The following CACNA1C variants were observed in gnomAD, a reference collection of about 807,000 sequenced individuals.
CACNA1C encodes the protein voltage-dependent L-type calcium channel subunit alpha-1C.
A neutral mutation model predicts 229.0 loss-of-function variants in CACNA1C; 30 were observed. That is an observed-to-expected ratio of 0.13 (90% CI 0.10 to 0.18). The LOEUF is 0.18. Ranked by LOEUF, CACNA1C falls within the 10% of genes least tolerant of loss-of-function variation. The pLI is 1.00. For synonymous variants in CACNA1C, 1,114 were observed against 1,132.5 expected, an observed-to-expected ratio of 0.98 and a Z score of 0.33; for missense variants, 1,658 against 2,845.0, an observed-to-expected ratio of 0.58 and a Z score of 9.49.
intron 3 of CACNA1C, among the ~76,000 whole-genome samples, chr12:2,426,094 A>G (rs1595930844): frequency 6.6e-6 from 1 of 152,208 alleles, no homozygotes; most frequent in Admixed American, 6.5e-5. Flanking sequence ...AGCTGGGGGC[A>G]GGGAACACTG....
At chr12:2,328,105 G>T (rs1345354834) in intron 3 of CACNA1C, among the ~76,000 whole-genome samples, 1 of 152,230 alleles carries the variant, frequency 6.6e-6, no homozygotes, top group Non-Finnish European at 1.5e-5. Flanking sequence ...ATCTGTCAAA[G>T]CGGCAAGGCT....
At chr12:2,540,662 G>C (rs2099867650) in intron 9 of CACNA1C, among the ~76,000 whole-genome samples, 1 of 152,158 alleles carries the variant, frequency 6.6e-6, no homozygotes, top group African/African-American at 2.4e-5. Context: ...CTGACCCCTG[G>C]AATACGTGCA....
In CACNA1C at chr12:2,493,481, G is replaced by GGAGGA; in HGVS notation, c.1113+96_1113+97insAGGAG. 2.3e-6 allele frequency: 2 copies of GGAGGA among 881,908 alleles called. No homozygotes were observed. Among genetic ancestry groups the GGAGGA allele is most frequent in the Non-Finnish European group, 3.7e-6 (2 of 538,628 alleles). The allele number at this position is 881,908 out of a possible 1,614,324, so 54.6% of individuals were successfully genotyped here. On this transcript the variant is annotated intron_variant, in intron 7 of 46. Coordinates refer to ENST00000399655, the MANE Select transcript of CACNA1C (RefSeq NM_000719.7). The surrounding 1 kb of genome is among the most constrained non-coding windows in gnomAD (Gnocchi z 4.6). ...TTTCTCCTCCTCCCCATGGTCTTGG[G>GGAGGA]GTCACATACGCATCTTGATGGAATG...
chr12:2,125,806 C>G (rs1011770538), intron 3 of CACNA1C, among the ~76,000 whole-genome samples: 5 of 152,196 alleles, frequency 3.3e-5, no homozygotes, highest in Non-Finnish European at 7.3e-5. Flanking sequence ...GCAATCAGCT[C>G]TGTCTACCCA....
At chr12:2,391,678 G>A (rs574434095) in intron 3 of CACNA1C, among the ~76,000 whole-genome samples, 1 of 152,270 alleles carries the variant, frequency 6.6e-6, no homozygotes, top group Admixed American at 6.5e-5. Context: ...GAAGATGGAG[G>A]GTGAGCTGGG....
intron 1 of CACNA1C, among the ~76,000 whole-genome samples, chr12:1,990,123 A>G (rs928566935): frequency 1.3e-5 from 2 of 152,178 alleles, no homozygotes; most frequent in Non-Finnish European, 2.9e-5. Flanking sequence ...TTCCATCTCA[A>G]AATAGTCATG....
intron 1 of CACNA1C, among the ~76,000 whole-genome samples, chr12:1,990,760 G>A (rs1002625539): frequency 2.6e-5 from 4 of 152,026 alleles, no homozygotes; most frequent in African/African-American, 9.7e-5. Flanking sequence ...CCCAAAGAAA[G>A]GCCAACCAAT....
chr12:2,249,329 T>C (rs1016153063), intron 3 of CACNA1C, among the ~76,000 whole-genome samples: 1 of 152,180 alleles, frequency 6.6e-6, no homozygotes, highest in Non-Finnish European at 1.5e-5. Flanking sequence ...AATAAAATGG[T>C]ATCAGAACAT....
rs2099741332 is a variant in CACNA1C at position 2,493,887 on chromosome 12, TTACTTTTTA to T, written c.1113+503_1113+511del. Among the ~76,000 whole-genome samples, 1 of 152,246 alleles carries T rather than the reference TTACTTTTTA, an allele frequency of 6.6e-6. No individual in the cohort carries two copies. Among genetic ancestry groups the T allele is most frequent in the Non-Finnish European group, 1.5e-5 (1 of 68,042 alleles). On this transcript the variant is annotated intron_variant, in intron 7 of 46. Coordinates refer to ENST00000399655, the MANE Select transcript of CACNA1C (RefSeq NM_000719.7). The surrounding 1 kb of genome is among the most constrained non-coding windows in gnomAD (Gnocchi z 4.6). Reference sequence around the variant, plus strand: ...AGCATTGTGACATGCTATTCAATTTTTACTTTTTATTTTACTCTTACCTTAACATATTAG... The same window carrying T: ...AGCATTGTGACATGCTATTCAATTTTTTTTACTCTTACCTTAACATATTAG...
At position 2,694,622 on chromosome 12, in the gene CACNA1C, C is replaced by G. The variant is rs1445865591; in HGVS notation, c.*3423C>G. 2 of 152,362 alleles carry G rather than the reference C, an allele frequency of 1.3e-5. No individual in the cohort carries two copies. Among genetic ancestry groups the G allele is most frequent in the African/African-American group, 4.8e-5 (2 of 41,590 alleles). 9.4% of individuals were successfully genotyped at this position (152,362 alleles called of 1,614,324 possible). On this transcript the variant is annotated 3_prime_UTR_variant, in exon 47 of 47. Coordinates refer to ENST00000399655, the MANE Select transcript of CACNA1C (RefSeq NM_000719.7). ...ATGTCTCTCATTCTATTTCCCAGTT[C>G]CAAATTCCAGGTGCTTGTCTGGAGT... is the stretch of plus-strand genomic sequence containing the variant.
At chr12:2,072,973 C>A (rs776202307) in intron 1 of CACNA1C, among the ~76,000 whole-genome samples, 1 of 152,056 alleles carries the variant, frequency 6.6e-6, no homozygotes, top group Non-Finnish European at 1.5e-5. Flanking sequence ...GTGATAGATA[C>A]GTTGATGAAT....
rs2091386385 is a variant in CACNA1C, at chr12:2,633,329, C to T, written c.3829-968C>T. Among the ~76,000 whole-genome samples the T allele has an allele frequency of 6.6e-6, 1 of 152,164 alleles. No individual in the cohort carries two copies. The highest frequency in any genetic ancestry group is 1.5e-5 in the Non-Finnish European group (1 of 68,032). ...CGATTTGCACCACCCACGCCCCCCA[C>T]ACCCACTCCTGCCCCTGGTGGGACG... On this transcript the variant is annotated intron_variant, in intron 29 of 46. Coordinates refer to ENST00000399655, the MANE Select transcript of CACNA1C (RefSeq NM_000719.7). This position sits in a 1 kb window ranked among gnomAD's most constrained non-coding sequence, Gnocchi z 5.8.
intron 3 of CACNA1C, among the ~76,000 whole-genome samples, chr12:2,272,426 C>T (rs748450893): frequency 1.6e-4 from 24 of 152,168 alleles, no homozygotes; most frequent in East Asian, 1.2e-3. Flanking sequence ...GTGTCTGCCT[C>T]GTATCATCAG....
intron 3 of CACNA1C, among the ~76,000 whole-genome samples, chr12:2,293,403 G>A (rs979503281): frequency 2.6e-5 from 4 of 152,206 alleles, no homozygotes; most frequent in Non-Finnish European, 4.4e-5. Context: ...AATTGGTGTT[G>A]CTATAATTAA....
chr12:2,201,807 T>A (rs1468552657), intron 3 of CACNA1C, among the ~76,000 whole-genome samples: 1 of 152,174 alleles, frequency 6.6e-6, no homozygotes, highest in African/African-American at 2.4e-5. Context: ...CCGCCATGCT[T>A]CATTGGCCAG....
intron 3 of CACNA1C, among the ~76,000 whole-genome samples, chr12:2,239,599 T>A (rs1041858965): frequency 3.3e-5 from 5 of 152,152 alleles, no homozygotes; most frequent in African/African-American, 4.8e-5. Context: ...CTCCCTTCCC[T>A]GTTTGTGACT....
intron 3 of CACNA1C, among the ~76,000 whole-genome samples, chr12:2,358,291 G>C (rs1478163619): frequency 2.3e-5 from 3 of 128,744 alleles, no homozygotes; most frequent in African/African-American, 1.0e-4. Flanking sequence ...GTGTGTGTGT[G>C]TGTGTGTGTG....
intron 4 of CACNA1C, among the ~76,000 whole-genome samples, chr12:2,450,752 A>C (rs1223222177): frequency 1.3e-5 from 2 of 152,146 alleles, no homozygotes; most frequent in African/African-American, 4.8e-5. Context: ...AAGTCCTGGC[A>C]GTCTGCAGAG....
intron 3 of CACNA1C, among the ~76,000 whole-genome samples, chr12:2,300,475 A>C (rs1277906795): frequency 6.6e-6 from 1 of 152,080 alleles, no homozygotes; most frequent in African/African-American, 2.4e-5. Context: ...AAAAAAAAAA[A>C]ATTAGCTGGG....
Sources: allele counts gnomAD v4.1 joint callset (sites outside exome capture counted in the v4.1 genomes callset), GRCh38; gene constraint gnomAD v4.1.1; non-coding constraint Gnocchi (gnomAD v3.1); transcripts MANE v1.5; gene names NCBI Gene and HGNC (gene_info 2026-07-23, HGNC 2026-07-21).